ARAP2: variants seen among roughly 807,000 people sequenced by gnomAD.
ARAP2 encodes the protein ArfGAP with RhoGAP domain, ankyrin repeat and PH domain 2.
In ARAP2, 148 loss-of-function variants were observed where a neutral mutation model predicts 194.5. That is an observed-to-expected ratio of 0.76 (90% CI 0.67 to 0.87). The LOEUF (loss-of-function observed/expected upper bound fraction) is 0.87. ARAP2 is among the 40% of genes least tolerant of loss of function. ARAP2 has a pLI of 0.00. For missense variants in ARAP2, 2,128 were observed against 1,989.7 expected (o/e 1.07, Z -1.32); for synonymous variants, 695 against 683.5 (o/e 1.02, Z -0.26).
chr4:36,243,626 ACAC>A (rs1018121854), intron 1 of ARAP2: 7 of 152,196 alleles, frequency 4.6e-5, no homozygotes, highest in African/African-American at 1.4e-4. Flanking sequence ...AATAGGATGG[ACAC>A]CACTTCTCCC....
At chr4:36,056,840 T>C (rs1723599040) in intron 2 of ARAP2, among the ~76,000 whole-genome samples, 2 of 152,168 alleles carry the variant, frequency 1.3e-5, no homozygotes, top group African/African-American at 2.4e-5. Flanking sequence ...ATCCTTGACA[T>C]TGTAACTAAT....
intron 5 of ARAP2, among the ~76,000 whole-genome samples, chr4:36,034,635 G>A (rs1427670505): frequency 1.3e-5 from 2 of 151,892 alleles, no homozygotes; most frequent in African/African-American, 4.8e-5. Flanking sequence ...GATATGGCTA[G>A]CATATCCAGC....
chr4:36,149,450 C>T (rs1241816810), intron 16 of ARAP2, among the ~76,000 whole-genome samples: 5 of 152,174 alleles, frequency 3.3e-5, no homozygotes, highest in African/African-American at 4.8e-5. Flanking sequence ...TCAGTGCCTA[C>T]ATTATTGAGG....
rs138171788 is a variant in ARAP2 at position 36,083,472 on chromosome 4, T to C, written c.4426-22A>G. ...TACTCTGTAAGGTAAAAAAATAATT[T>C]GTAATTAAATGGATTTACACATTTC... On this transcript the variant is annotated intron_variant, in intron 28 of 32. Coordinates refer to ENST00000303965, the MANE Select transcript of ARAP2 (RefSeq NM_015230.4). 1,074 of 1,462,540 alleles carry C rather than the reference T, an allele frequency of 7.3e-4. 6 individuals carry two copies. Among genetic ancestry groups the C allele is most frequent in the Middle Eastern group, 5.1e-3 (29 of 5,674 alleles). 90.6% of individuals were successfully genotyped at this position (1,462,540 alleles called of 1,614,324 possible).
At chr4:36,091,678 T>C (rs936516953) in intron 28 of ARAP2, among the ~76,000 whole-genome samples, 2 of 152,132 alleles carry the variant, frequency 1.3e-5, no homozygotes, top group African/African-American at 2.4e-5. Context: ...AAATCTGAGG[T>C]GCCTAAAAAG....
intron 5 of ARAP2, among the ~76,000 whole-genome samples, chr4:36,038,347 A>G (rs1720288495): frequency 6.6e-6 from 1 of 152,216 alleles, no homozygotes; most frequent in Non-Finnish European, 1.5e-5. Flanking sequence ...AATGGAGGTC[A>G]GAGAAGCAGT....
At chr4:36,187,683 AT>A (rs911823329) in intron 7 of ARAP2, 112 bp from the exon 8 acceptor site, 4 of 896,550 alleles carry the variant, frequency 4.5e-6, no homozygotes, top group Non-Finnish European at 6.3e-6. Context: ...TTCAATCCAA[AT>A]TTTTTAAATG....
chr4:36,080,241 C>G lies in ARAP2; in HGVS notation c.4583G>C (p.Trp1528Ser), dbSNP rs1421388217. Reference protein sequence around the residue: ...CCDSSRTQTEWMTSIFIAQHE... With the variant: ...CCDSSRTQTESMTSIFIAQHE... ...CTGGGCAATAAAGATACTGGTCATCCACTCCGTCTGAGTTCGTGAACTATC... is the reference window on the plus strand; with the variant it reads ...CTGGGCAATAAAGATACTGGTCATCGACTCCGTCTGAGTTCGTGAACTATC... Residue 1528 changes from tryptophan (W) to serine (S), a missense_variant, in exon 31 of 33, where the codon TGG (tryptophan) becomes TCG (serine). Coordinates refer to ENST00000303965, the MANE Select transcript of ARAP2 (RefSeq NM_015230.4). 1 of 1,613,148 alleles carries G rather than the reference C, an allele frequency of 6.2e-7. No homozygotes were observed. The highest frequency in any genetic ancestry group is 1.1e-5 in the South Asian group (1 of 91,060).
chr4:36,156,468 AT>A (rs1354888750), intron 15 of ARAP2, among the ~76,000 whole-genome samples: 19 of 130,022 alleles, frequency 1.5e-4, no homozygotes, highest in South Asian at 2.7e-4. Context: ...AAAGAAAGAA[AT>A]GAAAGAGAAG....
At chr4:36,081,468 G>A (rs1729538092) in intron 30 of ARAP2, among the ~76,000 whole-genome samples, 1 of 152,134 alleles carries the variant, frequency 6.6e-6, no homozygotes, top group South Asian at 2.1e-4. Context: ...TTGTCATTAA[G>A]TGAAAAAGAA....
chr4:36,176,481 T>G (rs1196477378), intron 9 of ARAP2, among the ~76,000 whole-genome samples: 2 of 152,142 alleles, frequency 1.3e-5, no homozygotes, highest in Non-Finnish European at 2.9e-5. Flanking sequence ...AACTAATCAT[T>G]TGAACTCTAT....
chr4:36,032,338 G>C (rs1172218312), intron 5 of ARAP2, among the ~76,000 whole-genome samples: 1 of 152,212 alleles, frequency 6.6e-6, no homozygotes, highest in African/African-American at 2.4e-5. Context: ...GCTCAGAGGA[G>C]CCTAACTAAT....
chr4:36,155,257 G>C (rs1731977690), intron 15 of ARAP2, among the ~76,000 whole-genome samples: 1 of 152,168 alleles, frequency 6.6e-6, no homozygotes, highest in African/African-American at 2.4e-5. Flanking sequence ...TCACTTCAGG[G>C]GGAAAGAGAA....
chr4:36,194,411 T>C (rs1171308257), intron 6 of ARAP2, among the ~76,000 whole-genome samples: 2 of 152,198 alleles, frequency 1.3e-5, no homozygotes, highest in African/African-American at 4.8e-5. Flanking sequence ...ATAGGTACTT[T>C]TGGTCTTTAA....
chr4:36,147,639 C>G lies in ARAP2; in HGVS notation c.3108G>C (p.Trp1036Cys). ...GCAAGCTGGATTTGTCCATAGCAAA[C>G]CAGCCTTTTCTCCACTGATCCAGGG... Reference protein sequence around the residue: ...CHALDQWRKGWFAMDKSSLHF... With the variant: ...CHALDQWRKGCFAMDKSSLHF... Residue 1036 changes from tryptophan to cysteine, a missense_variant, in exon 18 of 33, where the codon TGG becomes TGC. Physicochemically the swap from Trp to Cys is radical, Grantham distance 215 (BLOSUM62 -2). Coordinates refer to ENST00000303965, the MANE Select transcript of ARAP2 (RefSeq NM_015230.4). 6.2e-7 allele frequency: 1 copy of G among 1,613,582 alleles called. No homozygotes were observed.
intron 6 of ARAP2, chr4:36,209,234 C>T: frequency 4.5e-6 from 1 of 220,398 alleles, no homozygotes; most frequent in South Asian, 5.2e-5. Context: ...ATTCATTCCA[C>T]TAGTGTTTAG....
intron 6 of ARAP2, among the ~76,000 whole-genome samples, chr4:36,208,002 C>A (rs1209401480): frequency 6.6e-6 from 1 of 152,202 alleles, no homozygotes; most frequent in Non-Finnish European, 1.5e-5. Flanking sequence ...ACGTGCTAGA[C>A]AATGTTCTGC....
At chr4:36,055,006 C>T (rs577899684) in intron 2 of ARAP2, among the ~76,000 whole-genome samples, 2 of 152,124 alleles carry the variant, frequency 1.3e-5, no homozygotes, top group Non-Finnish European at 2.9e-5. Flanking sequence ...AGTTTAATGA[C>T]TTTAAGTGAT....
At chr4:36,144,065 G>A (rs1397062317) in intron 19 of ARAP2, among the ~76,000 whole-genome samples, 1 of 151,700 alleles carries the variant, frequency 6.6e-6, no homozygotes, top group East Asian at 1.9e-4. Flanking sequence ...CATGCAGTAA[G>A]CACTAAATAG....
Sources: allele counts gnomAD v4.1 joint callset (sites outside exome capture counted in the v4.1 genomes callset), GRCh38; gene constraint gnomAD v4.1.1; transcripts MANE v1.5; gene names NCBI Gene and HGNC (gene_info 2026-07-23, HGNC 2026-07-21).